Variants in LPIN1 observed in about 807,000 individuals in gnomAD.
The protein encoded by LPIN1 is lipin 1.
A neutral mutation model predicts 107.5 loss-of-function variants in LPIN1; 71 were observed. The ratio of observed to expected loss-of-function variants is 0.66; its 90% CI spans 0.55 to 0.80. The LOEUF (loss-of-function observed/expected upper bound fraction) is 0.80, where lower values mean the gene tolerates loss of function less well. LPIN1 is among the 30% of genes least tolerant of loss of function. The probability of loss-of-function intolerance (pLI) is 0.00; values close to 1 mark genes in which losing one functional copy is unlikely to be tolerated. For synonymous variants in LPIN1, 445 were observed against 452.6 expected (o/e 0.98, Z 0.21); for missense variants, 1,043 against 1,160.6 (o/e 0.90, Z 1.47).
At chr2:11,741,681 G>A (rs1439701928), upstream of LPIN1, among the ~76,000 whole-genome samples, 1 of 152,124 alleles carries the variant, frequency 6.6e-6, no homozygotes, top group Non-Finnish European at 1.5e-5. Flanking sequence ...CAAGGTGGCG[G>A]GTGCCTGTAG....
At position 11,681,175 on chromosome 2, in the gene LPIN1, G is replaced by A. The variant is rs150609129; in HGVS notation, c.81+3447G>A. Among the ~76,000 whole-genome samples the A allele has an allele frequency of 6.8e-4, 103 of 152,322 alleles. 1 individual carries two copies. The East Asian group carries it at 0.017, about 25-fold the overall frequency. On this transcript the variant is annotated intron_variant, in intron 1 of 21. Transcript: ENST00000449576. ...CCAGGTCCTGCATTTGTCTCTGTATGAAGAACTCTGAGTTCAGTCTTCCTT... is the reference window on the plus strand; with the variant it reads ...CCAGGTCCTGCATTTGTCTCTGTATAAAGAACTCTGAGTTCAGTCTTCCTT...
intron 1 of LPIN1, among the ~76,000 whole-genome samples, chr2:11,693,035 C>A (rs1158242996): frequency 6.6e-6 from 1 of 151,980 alleles, no homozygotes; most frequent in Non-Finnish European, 1.5e-5. Flanking sequence ...GACTTGGGCC[C>A]AGTTTTGATT....
chr2:11,721,260 A>C (rs1558750227), upstream of LPIN1, among the ~76,000 whole-genome samples: 1 of 112,358 alleles, frequency 8.9e-6, no homozygotes, highest in Non-Finnish European at 1.8e-5. Context: ...ACTGTACTGC[A>C]TGCGTGTGTG....
At chr2:11,821,560 G>A (rs769273805) in intron 20 of LPIN1, among the ~76,000 whole-genome samples, 4 of 152,200 alleles carry the variant, frequency 2.6e-5, no homozygotes, top group African/African-American at 9.7e-5. Flanking sequence ...CAGATAGCCC[G>A]AGGGGTTCCT....
chr2:11,773,456 C>T (rs562964447), intron 4 of LPIN1, among the ~76,000 whole-genome samples, 164 bp from the exon 5 acceptor site: 9 of 152,232 alleles, frequency 5.9e-5, no homozygotes, highest in African/African-American at 1.4e-4. Flanking sequence ...TTATGGATGC[C>T]GGTATCTCAC....
chr2:11,685,365 G>A (rs1027167237), intron 1 of LPIN1, among the ~76,000 whole-genome samples: 2 of 152,202 alleles, frequency 1.3e-5, no homozygotes, highest in East Asian at 3.8e-4. Flanking sequence ...GGGGTGTCAT[G>A]TTAAGGGGAC....
intron 1 of LPIN1, among the ~76,000 whole-genome samples, chr2:11,736,515 C>T (rs1367062745): frequency 6.6e-6 from 1 of 152,206 alleles, no homozygotes; most frequent in Non-Finnish European, 1.5e-5. Context: ...CCAAAGGCTC[C>T]ACCTCATCAT....
At chr2:11,822,277 CA>C (rs751514674) in intron 20 of LPIN1, among the ~76,000 whole-genome samples, 22,852 of 78,972 alleles carry the variant, frequency 0.29, 2,186 homozygotes, top group African/African-American at 0.38. Flanking sequence ...CTAGAAATGC[CA>C]AAAAAAAAAA....
At chr2:11,751,206 G>C (rs1454204184) in intron 1 of LPIN1, among the ~76,000 whole-genome samples, 1 of 152,154 alleles carries the variant, frequency 6.6e-6, no homozygotes, top group Non-Finnish European at 1.5e-5. Context: ...CGCTGGAGGA[G>C]CTGAGTGATC....
At chr2:11,689,263 C>T (rs1662155484) in intron 1 of LPIN1, among the ~76,000 whole-genome samples, 2 of 152,184 alleles carry the variant, frequency 1.3e-5, no homozygotes, top group Non-Finnish European at 2.9e-5. Context: ...GATTAATGAA[C>T]TGCCCTGGTC....
intron 3 of LPIN1, among the ~76,000 whole-genome samples, chr2:11,768,975 A>C (rs913184184): frequency 3.3e-5 from 5 of 152,018 alleles, no homozygotes; most frequent in African/African-American, 4.8e-5. Context: ...CCCAAAAAAA[A>C]CCAACTTGGG....
chr2:11,764,187 C>G (rs1243488095), intron 1 of LPIN1: 1 of 151,258 alleles, frequency 6.6e-6, no homozygotes, highest in Non-Finnish European at 1.5e-5. Flanking sequence ...GTCTTGCGCT[C>G]CGTGGCTGGA....
intron 1 of LPIN1, among the ~76,000 whole-genome samples, chr2:11,698,977 C>G (rs79912602): frequency 1.8e-4 from 28 of 152,258 alleles, no homozygotes; most frequent in African/African-American, 6.3e-4. Context: ...GTCCGCTGGC[C>G]GTATGCAGCC....
chr2:11,816,420 T>C (rs990646105), intron 18 of LPIN1: 23 of 152,374 alleles, frequency 1.5e-4, no homozygotes, highest in African/African-American at 5.5e-4. Context: ...GTAGTAAGGC[T>C]TTGCTAGGCC....
In LPIN1 at chr2:11,825,079, C is replaced by T; in HGVS notation, c.*288C>T. Reference sequence around the variant, plus strand: ...GTTACGACGCTGCCTTTCCGGCCTGCTCCAGCAAGTAGCTACTGGTTCACG... The same window carrying T: ...GTTACGACGCTGCCTTTCCGGCCTGTTCCAGCAAGTAGCTACTGGTTCACG... On this transcript the variant is annotated 3_prime_UTR_variant, in exon 21 of 21. Transcript: ENST00000674199. This position sits in a 1 kb window ranked among gnomAD's most constrained non-coding sequence, Gnocchi z 4.1. 1 of 454,192 alleles carries T rather than the reference C, an allele frequency of 2.2e-6. No individual in the cohort carries two copies. Among genetic ancestry groups the T allele is most frequent in the Non-Finnish European group, 4.1e-6 (1 of 245,018 alleles). 28.1% of individuals were successfully genotyped at this position (454,192 alleles called of 1,614,324 possible).
Position 11,803,880 on chromosome 2 carries a change from G to A in LPIN1, c.2014-543G>A, listed in dbSNP as rs919482952. On this transcript the variant is annotated intron_variant, in intron 15 of 20. Coordinates refer to ENST00000674199, the MANE Select transcript of LPIN1 (RefSeq NM_001349206.2). This position sits in a 1 kb window ranked among gnomAD's most constrained non-coding sequence, Gnocchi z 4.2. ...TTTGAATTTGGTGTGATTTCTTTGG[G>A]TCTAGACTATATTCTTCTGGATATG... 2.6e-5 allele frequency among the ~76,000 whole-genome samples: 4 copies of A among 152,154 alleles called. No homozygotes were observed. Among genetic ancestry groups the A allele is most frequent in the Non-Finnish European group, 4.4e-5 (3 of 68,036 alleles).
chr2:11,764,070 G>GTA (rs1670328451), intron 1 of LPIN1: 4 of 88,666 alleles, frequency 4.5e-5, no homozygotes, highest in Admixed American at 1.0e-4. Flanking sequence ...GTGTGTGTGT[G>GTA]TGTGTGTGTA....
chr2:11,786,653 C>T lies in LPIN1; in HGVS notation c.1550-421C>T, dbSNP rs905383683. Among the ~76,000 whole-genome samples the T allele has an allele frequency of 2.0e-5, 3 of 152,196 alleles. No individual in the cohort carries two copies. Among genetic ancestry groups the T allele is most frequent in the African/African-American group, 7.2e-5 (3 of 41,434 alleles). The stretch of plus-strand genomic sequence containing the variant: ...AGGAAGCAGATGTGGTTATTATCCC[C>T]ATGCTAGAGGAGGGAACTGGGGCCT... On this transcript the variant is annotated intron_variant, in intron 10 of 20. Transcript: ENST00000674199. This position sits in a 1 kb window ranked among gnomAD's most constrained non-coding sequence, Gnocchi z 4.1.
At chr2:11,751,570 C>T (rs527287824) in intron 1 of LPIN1, among the ~76,000 whole-genome samples, 1 of 152,072 alleles carries the variant, frequency 6.6e-6, no homozygotes, top group Non-Finnish European at 1.5e-5. Context: ...AAAATGGGTC[C>T]AGCTGGGCGC....
Sources: allele counts gnomAD v4.1 joint callset (sites outside exome capture counted in the v4.1 genomes callset), GRCh38; gene constraint gnomAD v4.1.1; non-coding constraint Gnocchi (gnomAD v3.1); transcripts MANE v1.5; gene names NCBI Gene and HGNC (gene_info 2026-07-23, HGNC 2026-07-21).